BCAS3: variants seen among roughly 807,000 people sequenced by gnomAD.
BCAS3 encodes the protein BCAS3 microtubule associated cell migration factor, also known as BCAS4/BCAS3 fusion.
Under a neutral mutation model 116.1 loss-of-function variants are expected in BCAS3, and 53 were observed. That is an observed-to-expected ratio of 0.46 (90% CI 0.37 to 0.57). The LOEUF (loss-of-function observed/expected upper bound fraction) is 0.57, where lower values mean the gene tolerates loss of function less well. Ranked by LOEUF, BCAS3 falls within the 20% of genes least tolerant of loss-of-function variation. BCAS3 has a pLI of 0.00. For synonymous variants in BCAS3, 391 were observed against 408.2 expected, an observed-to-expected ratio of 0.96 and a Z score of 0.51; for missense variants, 917 against 1,165.4, an observed-to-expected ratio of 0.79 and a Z score of 3.10.
At chr17:60,753,055 G>A (rs1335915317) in intron 6 of BCAS3, among the ~76,000 whole-genome samples, 2 of 152,094 alleles carry the variant, frequency 1.3e-5, no homozygotes, top group African/African-American at 4.8e-5. Flanking sequence ...TGTTGCCCAG[G>A]CTAGTCTTGA....
intron 14 of BCAS3, among the ~76,000 whole-genome samples, chr17:60,973,809 C>A (rs2062126631): frequency 6.6e-6 from 1 of 151,940 alleles, no homozygotes; most frequent in Admixed American, 6.5e-5. Flanking sequence ...CCAGGCTGGT[C>A]TTGAACCCCT....
chr17:61,078,547 G>T lies in BCAS3; in HGVS notation c.2327+18G>T. 1 of 1,592,468 alleles carries T rather than the reference G, an allele frequency of 6.3e-7. No individual in the cohort carries two copies. Among genetic ancestry groups the T allele is most frequent in the Non-Finnish European group, 8.6e-7 (1 of 1,163,320 alleles). Reference sequence around the variant, plus strand: ...AGTCTCAGGTAGGAAATGAGAATTAGGGAGTGATTTGAACAAAAGGATTAA... The same window carrying T: ...AGTCTCAGGTAGGAAATGAGAATTATGGAGTGATTTGAACAAAAGGATTAA... On this transcript the variant is annotated intron_variant, in intron 21 of 23. Coordinates refer to ENST00000407086, the MANE Select transcript of BCAS3 (RefSeq NM_017679.5).
intron 19 of BCAS3, among the ~76,000 whole-genome samples, chr17:61,064,036 A>G (rs767492641): frequency 1.4e-4 from 21 of 152,198 alleles, no homozygotes; most frequent in African/African-American, 3.9e-4. Flanking sequence ...TCAGTTTTCC[A>G]TGAACTTTTT....
intron 18 of BCAS3, 59 bp from the exon 19 acceptor site, chr17:61,040,733 G>C (rs1384025816): frequency 7.4e-7 from 1 of 1,357,722 alleles, no homozygotes; most frequent in Non-Finnish European, 1.1e-6. Flanking sequence ...TGACAGTCAT[G>C]GTGATTTACA....
At chr17:60,959,013 CTT>C (rs1229682796) in intron 14 of BCAS3, among the ~76,000 whole-genome samples, 1 of 152,128 alleles carries the variant, frequency 6.6e-6, no homozygotes, top group Admixed American at 6.5e-5. Context: ...TAGGGACAGA[CTT>C]TTAAAATGTG....
chr17:61,299,442 C>CAAAAA (rs538072648), intron 22 of BCAS3, among the ~76,000 whole-genome samples: 475 of 55,062 alleles, frequency 8.6e-3, no homozygotes, highest in Non-Finnish European at 0.013. Context: ...GACTCCATCT[C>CAAAAA]AAAAAAAAAA....
intron 6 of BCAS3, among the ~76,000 whole-genome samples, chr17:60,807,519 C>T (rs905104423): frequency 4.6e-5 from 7 of 152,100 alleles, no homozygotes; most frequent in South Asian, 2.1e-4. Context: ...TTGTGGCTCT[C>T]GCCTGTAATC....
intron 6 of BCAS3, among the ~76,000 whole-genome samples, chr17:60,791,085 C>T (rs892142604): frequency 1.3e-5 from 2 of 151,136 alleles, no homozygotes; most frequent in Admixed American, 1.3e-4. Context: ...TGCTATATTG[C>T]CCAGGCTGGA....
rs930677028 is a variant in BCAS3 at position 61,037,346 on chromosome 17, G to A, written c.1763-543G>A. Among the ~76,000 whole-genome samples, 1 of 152,132 alleles carries A rather than the reference G, an allele frequency of 6.6e-6. No individual in the cohort carries two copies. Among genetic ancestry groups the A allele is most frequent in the African/African-American group, 2.4e-5 (1 of 41,414 alleles). ...GAAGGATTTTACTATATTAGGATTT[G>A]GGGCATAGTAGTATCATTCTTGAAG... is the stretch of plus-strand genomic sequence containing the variant. On this transcript the variant is annotated intron_variant, in intron 17 of 23. Transcript: ENST00000407086. The surrounding 1 kb of genome is among the most constrained non-coding windows in gnomAD (Gnocchi z 4.7).
At chr17:60,959,777 TG>T (rs1283186986) in intron 14 of BCAS3, among the ~76,000 whole-genome samples, 1 of 152,198 alleles carries the variant, frequency 6.6e-6, no homozygotes, top group Non-Finnish European at 1.5e-5. Context: ...CCTACAGTTT[TG>T]GAGGGCAAAA....
intron 11 of BCAS3, among the ~76,000 whole-genome samples, chr17:60,905,509 G>A (rs2058141575): frequency 6.6e-6 from 1 of 152,098 alleles, no homozygotes; most frequent in Non-Finnish European, 1.5e-5. Flanking sequence ...AGTAAACCTG[G>A]TCATACTGAA....
intron 14 of BCAS3, among the ~76,000 whole-genome samples, chr17:60,954,553 T>G (rs1435878571): frequency 6.6e-6 from 1 of 152,200 alleles, no homozygotes; most frequent in Non-Finnish European, 1.5e-5. Flanking sequence ...GCTATCACCA[T>G]TTAACATTTT....
chr17:61,252,034 A>G lies in BCAS3; in HGVS notation c.2426-116293A>G, dbSNP rs576890023. Among the ~76,000 whole-genome samples the G allele has an allele frequency of 3.9e-5, 6 of 152,392 alleles. No homozygotes were observed. The East Asian group carries it at 1.2e-3, about 29-fold the overall frequency. On this transcript the variant is annotated intron_variant, in intron 22 of 23. Coordinates refer to ENST00000407086, the MANE Select transcript of BCAS3 (RefSeq NM_017679.5). ...GATCACTCAACAGTTATCAAGAAAC[A>G]GATACTACAGTTTTATAACACGAAG...
Position 61,390,537 on chromosome 17 carries a change from ACT to A in BCAS3, c.2594-1438_2594-1437del, listed in dbSNP as rs943513303. 2.7e-5 allele frequency: 4 copies of A among 150,494 alleles called. No individual in the cohort carries two copies. The highest frequency in any genetic ancestry group is 9.8e-5 in the African/African-American group (4 of 40,802). 9.3% of individuals were successfully genotyped at this position (150,494 alleles called of 1,614,324 possible). A position where few individuals can be genotyped will look rare whatever the true frequency, so the allele number is the denominator to read the frequency against. On this transcript the variant is annotated intron_variant, in intron 23 of 23. Transcript: ENST00000407086. The surrounding 1 kb of genome is among the most constrained non-coding windows in gnomAD (Gnocchi z 6.8). ...TGTCCCACCGAGACCCCGGCGACAGACTCGGCTGATGGATCCCAAGGGCCCCT... is the reference window on the plus strand; with the variant it reads ...TGTCCCACCGAGACCCCGGCGACAGACGGCTGATGGATCCCAAGGGCCCCT...
intron 7 of BCAS3, among the ~76,000 whole-genome samples, chr17:60,853,592 A>G (rs2053379687): frequency 6.6e-6 from 1 of 152,198 alleles, no homozygotes; most frequent in South Asian, 2.1e-4. Context: ...TAATCACGAG[A>G]TAGTCACTAG....
At chr17:60,997,585 G>T (rs2063925096) in intron 15 of BCAS3, among the ~76,000 whole-genome samples, 1 of 152,154 alleles carries the variant, frequency 6.6e-6, no homozygotes, top group Non-Finnish European at 1.5e-5. Flanking sequence ...GTAAATTTTT[G>T]TTGAATGAAT....
rs75830224 is a variant in BCAS3 at position 61,317,898 on chromosome 17, G to A, written c.2426-50429G>A. 3.0e-3 allele frequency among the ~76,000 whole-genome samples: 460 copies of A among 152,348 alleles called. 7 individuals are homozygous for A. The East Asian group carries it at 0.045, about 15-fold the overall frequency. ...ATCTCCTCCCTTTTAGCCACCTGAG[G>A]GCAGACTTGAACAGAGGTCCCTGGT... On this transcript the variant is annotated intron_variant, in intron 22 of 23. Coordinates refer to ENST00000407086, the MANE Select transcript of BCAS3 (RefSeq NM_017679.5).
intron 22 of BCAS3, among the ~76,000 whole-genome samples, chr17:61,115,478 A>C (rs964263652): frequency 1.1e-4 from 16 of 141,732 alleles, no homozygotes; most frequent in African/African-American, 3.9e-4. Context: ...CAGCCAAAAA[A>C]CACATGAAAA....
chr17:60,706,818 T>C (rs1403502804), intron 4 of BCAS3, among the ~76,000 whole-genome samples: 1 of 150,346 alleles, frequency 6.7e-6, no homozygotes, highest in Non-Finnish European at 1.5e-5. Flanking sequence ...TTTTTTTTTT[T>C]TTTTTGGTGG....
Sources: allele counts gnomAD v4.1 joint callset (sites outside exome capture counted in the v4.1 genomes callset), GRCh38; gene constraint gnomAD v4.1.1; non-coding constraint Gnocchi (gnomAD v3.1); transcripts MANE v1.5; gene names NCBI Gene and HGNC (gene_info 2026-07-23, HGNC 2026-07-21).